Variants in GLIS3 observed in about 807,000 individuals in gnomAD.
GLIS3 encodes GLIS family zinc finger 3.
In GLIS3, 53 loss-of-function variants were observed where a neutral mutation model predicts 78.6. The ratio of observed to expected loss-of-function variants is 0.67; its 90% CI spans 0.54 to 0.85. The LOEUF is 0.85. Among genes scored for constraint, GLIS3 ranks in the 40% least tolerant of loss-of-function variants. GLIS3 has a pLI of 0.00. For synonymous variants in GLIS3, 684 were observed against 509.9 expected (o/e 1.34, Z -4.60); for missense variants, 1,703 against 1,231.1 (o/e 1.38, Z -5.74).
chr9:4,376,270 GA>G, the GLIS3 span, among the ~76,000 whole-genome samples: 1 of 152,138 alleles, frequency 6.6e-6, no homozygotes, highest in African/African-American at 2.4e-5. Flanking sequence ...ACTTACGAAA[GA>G]AAAACTAATT....
the GLIS3 span, among the ~76,000 whole-genome samples, chr9:4,360,538 C>G: frequency 6.6e-6 from 1 of 152,102 alleles, no homozygotes. Context: ...TAGCCTTTTC[C>G]GAGGATTATC....
chr9:4,461,778 C>T, the GLIS3 span, among the ~76,000 whole-genome samples: 1 of 152,188 alleles, frequency 6.6e-6, no homozygotes, highest in Non-Finnish European at 1.5e-5. Flanking sequence ...ATTACACCCT[C>T]AGCATAGGTC....
chr9:4,405,426 C>T, the GLIS3 span, among the ~76,000 whole-genome samples: 2 of 149,242 alleles, frequency 1.3e-5, no homozygotes, highest in South Asian at 4.2e-4. Context: ...TTCAAATGAT[C>T]ATTAGTGGCT....
chr9:4,350,114 C>G (rs1817948438), upstream of GLIS3, among the ~76,000 whole-genome samples: 1 of 152,200 alleles, frequency 6.6e-6, no homozygotes, highest in Non-Finnish European at 1.5e-5. Context: ...GAGAAGGGAT[C>G]AGGCATAGGA....
At chr9:3,908,420 T>C (rs1163669786) in intron 6 of GLIS3, among the ~76,000 whole-genome samples, 1 of 152,198 alleles carries the variant, frequency 6.6e-6, no homozygotes, top group African/African-American at 2.4e-5. Flanking sequence ...GGAAACCAAT[T>C]TGTGAGCCTC....
At chr9:4,183,443 C>T (rs1369806445) in intron 2 of GLIS3, among the ~76,000 whole-genome samples, 1 of 152,152 alleles carries the variant, frequency 6.6e-6, no homozygotes, top group African/African-American at 2.4e-5. Flanking sequence ...TTCATTTAGC[C>T]TCATTCCCAT....
intron 4 of GLIS3, among the ~76,000 whole-genome samples, chr9:4,023,295 G>C (rs1326570639): frequency 6.6e-6 from 1 of 152,202 alleles, no homozygotes; most frequent in Non-Finnish European, 1.5e-5. Flanking sequence ...GTCCTGTGCA[G>C]TACCCAACAC....
intron 2 of GLIS3, among the ~76,000 whole-genome samples, chr9:4,280,176 C>A (rs1241854410): frequency 6.6e-6 from 1 of 152,140 alleles, no homozygotes; most frequent in East Asian, 1.9e-4. Context: ...CATGCCAACA[C>A]ACCCAGCTAA....
rs544056916 is a variant in GLIS3, at chr9:3,829,630, T to A, written c.2474-138A>T. On this transcript the variant is annotated intron_variant, in intron 9 of 10. Transcript: ENST00000381971. ...ACTCTTAAGGCCACCTGTAGAATCT[T>A]CCAAGCAAACATTTGGAATGCACTG... The A allele has an allele frequency of 1.7e-5, 14 of 827,408 alleles. No individual in the cohort carries two copies. In the East Asian group the frequency reaches 2.1e-4, roughly 13 times the overall value. 51.3% of individuals were successfully genotyped at this position (827,408 alleles called of 1,614,324 possible).
intron 4 of GLIS3, among the ~76,000 whole-genome samples, chr9:4,096,924 A>C (rs1371648338): frequency 6.6e-6 from 1 of 152,116 alleles, no homozygotes; most frequent in Non-Finnish European, 1.5e-5. Flanking sequence ...AGGCAGGAGA[A>C]TCTCTTGGAC....
chr9:3,924,903 C>T (rs1825121696), intron 6 of GLIS3, among the ~76,000 whole-genome samples: 1 of 152,168 alleles, frequency 6.6e-6, no homozygotes, highest in South Asian at 2.1e-4. Context: ...TAGAAGGCTT[C>T]TGTCAGTCAG....
At chr9:4,186,150 A>AT in intron 2 of GLIS3, among the ~76,000 whole-genome samples, 1 of 39,460 alleles carries the variant, frequency 2.5e-5, no homozygotes, top group Non-Finnish European at 4.9e-5. Flanking sequence ...TCCCTCCCCC[A>AT]CCCCCACCCC....
intron 4 of GLIS3, among the ~76,000 whole-genome samples, chr9:4,050,446 G>C (rs956416830): frequency 3.9e-5 from 6 of 152,114 alleles, no homozygotes; most frequent in Non-Finnish European, 8.8e-5. Context: ...AGGGCCTGTT[G>C]GTGGGTGGGG....
chr9:4,486,011 C>T, the GLIS3 span, among the ~76,000 whole-genome samples: 16 of 152,296 alleles, frequency 1.1e-4, no homozygotes, highest in South Asian at 8.3e-4. Flanking sequence ...CGTGAGCCGC[C>T]GCACCTGGCC....
intron 6 of GLIS3, among the ~76,000 whole-genome samples, chr9:3,909,850 G>A (rs1310865596): frequency 6.6e-6 from 1 of 152,208 alleles, no homozygotes; most frequent in Non-Finnish European, 1.5e-5. Context: ...GTTCTGCACT[G>A]CACTAATTGA....
In GLIS3 at chr9:3,824,453, G is replaced by A. The variant is rs1257148708; in HGVS notation, c.*3819C>T. The A allele has an allele frequency of 6.6e-6, 1 of 152,384 alleles. No homozygotes were observed. The highest frequency in any genetic ancestry group is 6.5e-5 in the Admixed American group (1 of 15,282). 9.4% of individuals were successfully genotyped at this position (152,384 alleles called of 1,614,324 possible). On this transcript the variant is annotated 3_prime_UTR_variant, in exon 11 of 11. Coordinates refer to ENST00000381971, the MANE Select transcript of GLIS3 (RefSeq NM_001042413.2). Reference sequence around the variant, plus strand: ...TGTTTTAAACCGACAGGCTGAAGGAGGATTTTAGGCAGGAGGGCGTCTTCT... The same window carrying A: ...TGTTTTAAACCGACAGGCTGAAGGAAGATTTTAGGCAGGAGGGCGTCTTCT...
chr9:3,875,588 G>A (rs1331706588), intron 8 of GLIS3: 1 of 152,226 alleles, frequency 6.6e-6, no homozygotes, highest in African/African-American at 2.4e-5. Context: ...CAGGCAAACA[G>A]AGGCAAAGAT....
chr9:3,862,904 A>G (rs1820314197), intron 8 of GLIS3, among the ~76,000 whole-genome samples: 1 of 69,924 alleles, frequency 1.4e-5, no homozygotes, highest in Admixed American at 1.3e-4. Context: ...TCTACGATGG[A>G]TTTGGGGAGG....
At chr9:3,844,397 G>C (rs12380633) in intron 9 of GLIS3, among the ~76,000 whole-genome samples, 3 of 152,166 alleles carry the variant, frequency 2.0e-5, no homozygotes, top group Non-Finnish European at 4.4e-5. Context: ...GGAACGCCTA[G>C]AATAGTGTTA....
Sources: gnomAD v4.1 joint callset for allele counts (sites outside exome capture counted in the v4.1 genomes callset) on GRCh38, gnomAD v4.1.1 for gene constraint, MANE v1.5 for transcripts, NCBI Gene and HGNC (gene_info 2026-07-23, HGNC 2026-07-21) for gene names.